EIF5: variants seen among roughly 807,000 people sequenced by gnomAD.
The protein encoded by EIF5 is eukaryotic translation initiation factor 5.
Under a neutral mutation model 48.3 loss-of-function variants are expected in EIF5, and 10 were observed. The ratio of observed to expected loss-of-function variants is 0.21; its 90% confidence interval spans 0.13 to 0.35. The LOEUF is 0.35. EIF5 is among the 10% of genes least tolerant of loss of function. The pLI, the probability that EIF5 is intolerant of heterozygous loss-of-function variation, is 1.00. For missense variants in EIF5, 397 were observed against 533.2 expected, an observed-to-expected ratio of 0.74 and a Z score of 2.51; for synonymous variants, 237 against 173.1, an observed-to-expected ratio of 1.37 and a Z score of -2.90.
At chr14:103,339,049 C>T in intron 8 of EIF5, 123 bp from the exon 9 acceptor site, 2 of 1,472,410 alleles carry the variant, frequency 1.4e-6, no homozygotes, top group Non-Finnish European at 1.8e-6. Context: ...ATTCCAGGCA[C>T]TATGTGTCAC....
intron 8 of EIF5, 70 bp from the exon 9 acceptor site, chr14:103,339,102 G>T (rs1342835586): frequency 1.2e-5 from 18 of 1,540,668 alleles, no homozygotes; most frequent in Admixed American, 2.1e-5. Context: ...TCAGAGCAGG[G>T]ACTGGCTGGT....
intron 2 of EIF5, 59 bp from the exon 3 acceptor site, chr14:103,335,594 T>A (rs1306279024): frequency 3.8e-6 from 2 of 523,252 alleles, no homozygotes; most frequent in African/African-American, 1.9e-5. Context: ...GGCGTTTCCA[T>A]CCAGCGATGA....
chr14:103,337,386 C>T, intron 6 of EIF5, 159 bp downstream of exon 6: 1 of 610,436 alleles, frequency 1.6e-6, no homozygotes, highest in Non-Finnish European at 2.8e-6. Flanking sequence ...GGGCACATCA[C>T]TTGAGGCCAG....
chr14:103,337,257 C>T (rs1049324463), intron 6 of EIF5, 30 bp downstream of exon 6: 32 of 1,551,740 alleles, frequency 2.1e-5, no homozygotes, highest in Non-Finnish European at 2.7e-5. Flanking sequence ...CTCCTAAGAT[C>T]CTAAGATAAG....
intron 6 of EIF5, 129 bp from the exon 7 acceptor site, chr14:103,338,198 T>A (rs2089312265): frequency 2.4e-6 from 3 of 1,260,296 alleles, no homozygotes; most frequent in Admixed American, 4.4e-5. Context: ...TTAGGTAGCA[T>A]TGTGTGTGCT....
chr14:103,339,645 C>T lies in EIF5; in HGVS notation c.913C>T (p.His305Tyr). ...KYRRHFLRFC[H>Y]NNKKAQRYLL... ...CCAAGGTGTCTATTTGCAGTTTTGT[C>T]ACAACAACAAAAAAGCCCAACGGTA... The change falls in exon 10 of 12, where the codon CAC becomes TAC. Residue 305 changes from histidine to tyrosine, a missense_variant. His to Tyr is a moderately conservative substitution (Grantham distance 83). Coordinates refer to ENST00000216554, the MANE Select transcript of EIF5 (RefSeq NM_001969.5). 1.2e-6 allele frequency: 2 copies of T among 1,614,122 alleles called. No homozygotes were observed. The highest frequency in any genetic ancestry group is 1.7e-6 in the Non-Finnish European group (2 of 1,180,020).
chr14:103,338,601 CTGTT>C (rs1421023287), intron 7 of EIF5, 129 bp downstream of exon 7: 6 of 1,498,708 alleles, frequency 4.0e-6, no homozygotes, highest in Non-Finnish European at 5.3e-6. Context: ...ATTCCAAGTA[CTGTT>C]TGTTGTTTGA....
In EIF5 at chr14:103,343,963, T is replaced by A. The variant is rs2089383668; in HGVS notation, c.*2911T>A. The stretch of plus-strand genomic sequence containing the variant: ...AAGTTGACCTTGTTCCTGCATCATC[T>A]TTTTGATGGTTCAAATTTCAGCCTC... On this transcript the variant is annotated 3_prime_UTR_variant, in exon 12 of 12. Coordinates refer to ENST00000216554, the MANE Select transcript of EIF5 (RefSeq NM_001969.5). 6.6e-6 allele frequency: 1 copy of A among 152,360 alleles called. No individual in the cohort carries two copies. The highest frequency in any genetic ancestry group is 2.4e-5 in the African/African-American group (1 of 41,594). 9.4% of individuals were successfully genotyped at this position (152,360 alleles called of 1,614,324 possible). A position where few individuals can be genotyped will look rare whatever the true frequency, so the allele number is the denominator to read the frequency against.
At chr14:103,335,579 AAGG>A (rs759362504) in intron 2 of EIF5, 71 bp from the exon 3 acceptor site, 4 of 499,034 alleles carry the variant, frequency 8.0e-6, no homozygotes, top group African/African-American at 1.9e-5. Context: ...AGGATGTAAA[AAGG>A]AGGCGTTTCC....
At chr14:103,337,986 T>C in intron 6 of EIF5, 1 of 546,786 alleles carries the variant, frequency 1.8e-6, no homozygotes, top group South Asian at 1.4e-5. Context: ...TTCCACCTGT[T>C]GGCTAAAGCT....
intron 11 of EIF5, 93 bp downstream of exon 11, chr14:103,340,654 G>C (rs1334255769): frequency 4.0e-6 from 6 of 1,493,402 alleles, no homozygotes; most frequent in Non-Finnish European, 5.4e-6. Context: ...ATGGCAGTTT[G>C]GGGTAATTTC....
chr14:103,339,346 C>T lies in EIF5; in HGVS notation c.906+13C>T, dbSNP rs373125881. 6.7e-5 allele frequency: 106 copies of T among 1,580,932 alleles called. 1 individual carries two copies. The African/African-American group carries it at 1.3e-3, about 20-fold the overall frequency. On this transcript the variant is annotated intron_variant, in intron 9 of 11. Transcript: ENST00000216554. ...CCATTTCCTACGAGTAAGCAAAGTG[C>T]TCTGGATTCATAAATGAGATTACAG...
rs1178283372 is a variant in EIF5, at chr14:103,344,331, TG to T, written c.*3282del. Reference sequence around the variant, plus strand: ...AGAAATTTTAAGGACTTGTGTGTGCTGGGATATGAGAATAGAAGCTACAGAG... The same window carrying T: ...AGAAATTTTAAGGACTTGTGTGTGCTGGATATGAGAATAGAAGCTACAGAG... On this transcript the variant is annotated 3_prime_UTR_variant, in exon 12 of 12. Transcript: ENST00000216554. The T allele has an allele frequency of 6.6e-6, 1 of 152,330 alleles. No homozygotes were observed. Among genetic ancestry groups the T allele is most frequent in the East Asian group, 1.9e-4 (1 of 5,188 alleles). The allele number at this position is 152,330 out of a possible 1,614,324, so 9.4% of individuals were successfully genotyped here. A position where few individuals can be genotyped will look rare whatever the true frequency, so the allele number is the denominator to read the frequency against.
chr14:103,336,441 C>T (rs944627955), intron 4 of EIF5: 10 of 557,192 alleles, frequency 1.8e-5, no homozygotes, highest in African/African-American at 3.8e-5. Context: ...ATTAGCCAGG[C>T]GTGGTGGCAT....
In EIF5 at chr14:103,335,733, T is replaced by C; in HGVS notation, c.-128T>C. ...AGCTTACAGCCTCAGTGGCGAAAAT[T>C]TTTTCATGTCAGAGACCGAGAACTC... On this transcript the variant is annotated 5_prime_UTR_variant, in exon 3 of 12. Coordinates refer to ENST00000216554, the MANE Select transcript of EIF5 (RefSeq NM_001969.5). 1 of 1,118,278 alleles carries C rather than the reference T, an allele frequency of 8.9e-7. No individual in the cohort carries two copies. Among genetic ancestry groups the C allele is most frequent in the Non-Finnish European group, 1.3e-6 (1 of 762,296 alleles). 69.3% of individuals were successfully genotyped at this position (1,118,278 alleles called of 1,614,324 possible).
intron 8 of EIF5, 115 bp downstream of exon 8, chr14:103,339,008 C>A: frequency 6.7e-7 from 1 of 1,486,926 alleles, no homozygotes; most frequent in Non-Finnish European, 9.0e-7. Flanking sequence ...CTTTTTAGAA[C>A]TCTTGTTCAT....
rs947682631 is a variant in EIF5, at chr14:103,340,009, C to T, written c.1071+206C>T. 2.0e-5 allele frequency among the ~76,000 whole-genome samples: 3 copies of T among 152,094 alleles called. No homozygotes were observed. In the South Asian group the frequency reaches 6.2e-4, roughly 32 times the overall value. On this transcript the variant is annotated intron_variant, in intron 10 of 11. Coordinates refer to ENST00000216554, the MANE Select transcript of EIF5 (RefSeq NM_001969.5). ...AAGTAGCTGGGATTACAGGCACCTG[C>T]GATCATGCCCAGCTAATTTTTGTAT...
In EIF5 at chr14:103,338,315, T is replaced by G. The variant is rs1237995624; in HGVS notation, c.440-12T>G. On this transcript the variant is annotated splice_polypyrimidine_tract_variant and intron_variant, in intron 6 of 11. Coordinates refer to ENST00000216554, the MANE Select transcript of EIF5 (RefSeq NM_001969.5). Reference sequence around the variant, plus strand: ...TATGGGGTTAAATTTTTATTTCCCTTTTTTTCTGTAGAGAATAGTGACAGT... The same window carrying G: ...TATGGGGTTAAATTTTTATTTCCCTGTTTTTCTGTAGAGAATAGTGACAGT... 9 of 1,609,448 alleles carry G rather than the reference T, an allele frequency of 5.6e-6. No individual in the cohort carries two copies. The highest frequency in any genetic ancestry group is 7.6e-6 in the Non-Finnish European group (9 of 1,178,488).
At chr14:103,339,561 A>T (rs1158358634) in intron 9 of EIF5, 78 bp from the exon 10 acceptor site, 2 of 1,596,786 alleles carry the variant, frequency 1.3e-6, no homozygotes, top group East Asian at 4.5e-5. Context: ...GCACTTGCAG[A>T]CACTCTTATT....
Sources: allele counts gnomAD v4.1 joint callset (sites outside exome capture counted in the v4.1 genomes callset), GRCh38; gene constraint gnomAD v4.1.1; transcripts MANE v1.5; gene names NCBI Gene and HGNC (gene_info 2026-07-23, HGNC 2026-07-21).